The following KAZN variants were observed in gnomAD, a reference collection of about 807,000 sequenced individuals.
The protein encoded by KAZN is kazrin.
Under a neutral mutation model 87.4 loss-of-function variants are expected in KAZN, and 40 were observed. That is an observed-to-expected ratio of 0.46 (90% confidence interval 0.36 to 0.60). KAZN has a LOEUF of 0.60. Ranked by LOEUF, KAZN falls within the 20% of genes least tolerant of loss-of-function variation. The pLI, the probability that KAZN is intolerant of heterozygous loss-of-function variation, is 0.00. For missense variants in KAZN, 898 were observed against 1,073.9 expected, an observed-to-expected ratio of 0.84 and a Z score of 2.29; for synonymous variants, 466 against 458.3, an observed-to-expected ratio of 1.02 and a Z score of -0.22.
intron 1 of KAZN, among the ~76,000 whole-genome samples, chr1:14,786,515 G>A (rs753925164): frequency 6.6e-6 from 1 of 152,108 alleles, no homozygotes; most frequent in Non-Finnish European, 1.5e-5. Flanking sequence ...TGGTGATTTG[G>A]CACCTTGAAT....
intron 1 of KAZN, among the ~76,000 whole-genome samples, chr1:14,064,622 G>A (rs765841254): frequency 2.0e-5 from 3 of 152,184 alleles, no homozygotes; most frequent in Non-Finnish European, 2.9e-5. Flanking sequence ...AAAAGGAGGC[G>A]GGAAAGCTGG....
upstream of KAZN, chr1:14,598,554 CGG>C: frequency 1.8e-6 from 1 of 549,714 alleles, no homozygotes; most frequent in South Asian, 6.8e-5. The surrounding 1 kb of genome is among the most constrained non-coding windows in gnomAD (Gnocchi z 4.2). Context: ...TCCGCCCCCC[CGG>C]GGGGTGTGTC....
Position 15,117,655 on chromosome 1 carries a change from C to CCT in KAZN, c.*3022_*3023dup, listed in dbSNP as rs137939353. The CCT allele has an allele frequency of 0.038, 5,760 of 152,438 alleles. 330 individuals are homozygous for CCT. Among genetic ancestry groups the CCT allele is most frequent in the African/African-American group, 0.13 (5,197 of 41,492 alleles). The allele number at this position is 152,438 out of a possible 1,614,324, so 9.4% of individuals were successfully genotyped here. A position where few individuals can be genotyped will look rare whatever the true frequency, so the allele number is the denominator to read the frequency against. ...AACAGGAAGATTTGGCCAGAGGTGACCTCAGTGTTCCCTCCAGGGGCATCC... is the reference window on the plus strand; with the variant it reads ...AACAGGAAGATTTGGCCAGAGGTGACCTCTCAGTGTTCCCTCCAGGGGCATCC... On this transcript the variant is annotated 3_prime_UTR_variant, in exon 15 of 15. Coordinates refer to ENST00000376030, the MANE Select transcript of KAZN (RefSeq NM_201628.3).
chr1:14,838,156 C>T (rs1557541895), intron 1 of KAZN, among the ~76,000 whole-genome samples: 1 of 152,138 alleles, frequency 6.6e-6, no homozygotes, highest in Non-Finnish European at 1.5e-5. Flanking sequence ...CAATGCTGCA[C>T]CCTCACGTGG....
intron 1 of KAZN, among the ~76,000 whole-genome samples, chr1:14,627,515 C>A (rs2148653256): frequency 6.6e-6 from 1 of 152,272 alleles, no homozygotes; most frequent in East Asian, 1.9e-4. Flanking sequence ...GCTCCTCACT[C>A]CCCTCCTATC....
intron 1 of KAZN, among the ~76,000 whole-genome samples, chr1:14,624,411 G>A (rs1172735063): frequency 6.7e-6 from 1 of 148,364 alleles, no homozygotes; most frequent in African/African-American, 2.6e-5. Flanking sequence ...AACAGAGCGA[G>A]ACTCCGTCTC....
chr1:14,968,376 C>G (rs148031086), intron 2 of KAZN, among the ~76,000 whole-genome samples: 1 of 152,128 alleles, frequency 6.6e-6, no homozygotes, highest in Admixed American at 6.6e-5. Context: ...AAACTTCGCT[C>G]GCTCGCCCCT....
intron 1 of KAZN, among the ~76,000 whole-genome samples, chr1:13,969,134 C>G (rs570486376): frequency 5.9e-5 from 9 of 152,092 alleles, no homozygotes; most frequent in Non-Finnish European, 1.0e-4. Flanking sequence ...AAACAAAAAA[C>G]AAGTTTCTGC....
chr1:14,049,481 A>G (rs752148717), intron 1 of KAZN, among the ~76,000 whole-genome samples: 7 of 152,262 alleles, frequency 4.6e-5, no homozygotes, highest in South Asian at 4.2e-4. Context: ...ACAAACAAAC[A>G]AAAAAGAACC....
At chr1:14,694,060 C>T (rs1388989490) in intron 1 of KAZN, among the ~76,000 whole-genome samples, 1 of 152,200 alleles carries the variant, frequency 6.6e-6, no homozygotes, top group African/African-American at 2.4e-5. Context: ...CTTTGAATAG[C>T]ATCATATTTC....
intron 2 of KAZN, among the ~76,000 whole-genome samples, chr1:14,549,427 C>A (rs1376622497): frequency 6.6e-6 from 1 of 152,094 alleles, no homozygotes; most frequent in Non-Finnish European, 1.5e-5. Context: ...AAATAAAAGA[C>A]CAAACTTTGT....
chr1:14,285,687 A>T (rs1166091807), intron 2 of KAZN, among the ~76,000 whole-genome samples: 1 of 152,196 alleles, frequency 6.6e-6, no homozygotes, highest in Non-Finnish European at 1.5e-5. Context: ...AAGCCCTTGC[A>T]CTTTGTCCAT....
At chr1:14,153,295 C>T (rs1490285058) in intron 1 of KAZN, among the ~76,000 whole-genome samples, 1 of 152,120 alleles carries the variant, frequency 6.6e-6, no homozygotes, top group African/African-American at 2.4e-5. Context: ...GGAGAGTTTC[C>T]CCCAATGTTT....
At chr1:14,674,088 T>A (rs1373426185) in intron 1 of KAZN, among the ~76,000 whole-genome samples, 2 of 152,206 alleles carry the variant, frequency 1.3e-5, no homozygotes, top group African/African-American at 4.8e-5. Context: ...AGAAGAGAAG[T>A]ACAGAAACTT....
intron 2 of KAZN, among the ~76,000 whole-genome samples, chr1:14,451,604 G>GAC (rs890359965): frequency 2.0e-5 from 3 of 150,980 alleles, no homozygotes; most frequent in African/African-American, 7.3e-5. Context: ...GAGAGAGAGA[G>GAC]AGAAAGAGAG....
At chr1:14,048,595 G>A in intron 1 of KAZN, among the ~76,000 whole-genome samples, 1 of 151,976 alleles carries the variant, frequency 6.6e-6, no homozygotes, top group Admixed American at 6.6e-5. Flanking sequence ...GTAGAGACAG[G>A]GTTTCACCAT....
At chr1:14,621,466 G>A (rs1024654504) in intron 1 of KAZN, among the ~76,000 whole-genome samples, 3 of 152,184 alleles carry the variant, frequency 2.0e-5, no homozygotes, top group African/African-American at 7.2e-5. Context: ...AGGAACCATA[G>A]AGACAGGTCT....
At chr1:14,968,335 G>A (rs2101820596) in intron 2 of KAZN, among the ~76,000 whole-genome samples, 1 of 152,256 alleles carries the variant, frequency 6.6e-6, no homozygotes, top group East Asian at 1.9e-4. Flanking sequence ...GCGGTAATGT[G>A]AGTGATGGGG....
chr1:13,935,252 G>GTAGTAGTAGTAATAATAA (rs1553175647), intron 1 of KAZN, among the ~76,000 whole-genome samples: 1 of 147,072 alleles, frequency 6.8e-6, no homozygotes, highest in African/African-American at 2.5e-5. Flanking sequence ...AGTAGTAGTA[G>GTAGTAGTAGTAATAATAA]TAATAATAAT....
Sources: allele counts gnomAD v4.1 joint callset (sites outside exome capture counted in the v4.1 genomes callset), GRCh38; gene constraint gnomAD v4.1.1; non-coding constraint Gnocchi (gnomAD v3.1); transcripts MANE v1.5; gene names NCBI Gene and HGNC (gene_info 2026-07-23, HGNC 2026-07-21).